MACROD2: variants seen among roughly 807,000 people sequenced by gnomAD.
The protein encoded by MACROD2 is mono-ADP ribosylhydrolase 2.
MACROD2 carries 36 observed loss-of-function variants against 70.4 expected under a neutral mutation model. The ratio of observed to expected loss-of-function variants is 0.51; its 90% confidence interval spans 0.39 to 0.68. The LOEUF is 0.68. MACROD2 is among the 30% of genes least tolerant of loss of function. MACROD2 has a pLI of 0.00. For missense variants in MACROD2, 496 were observed against 538.4 expected, an observed-to-expected ratio of 0.92 and a Z score of 0.78; for synonymous variants, 172 against 178.8, an observed-to-expected ratio of 0.96 and a Z score of 0.30.
chr20:15,512,318 C>A (rs1398883614), intron 8 of MACROD2, among the ~76,000 whole-genome samples: 3 of 152,190 alleles, frequency 2.0e-5, no homozygotes, highest in African/African-American at 7.2e-5. Context: ...ACAGTAGAGG[C>A]CTTTTGCCAT....
chr20:15,653,787 G>A (rs886884878), intron 8 of MACROD2, among the ~76,000 whole-genome samples: 32 of 152,116 alleles, frequency 2.1e-4, no homozygotes, highest in African/African-American at 7.5e-4. Flanking sequence ...CTCTTTCTGG[G>A]ACTGACTATA....
At chr20:14,371,484 C>T (rs1194689263) in intron 3 of MACROD2, among the ~76,000 whole-genome samples, 2 of 151,990 alleles carry the variant, frequency 1.3e-5, no homozygotes, top group Non-Finnish European at 2.9e-5. Flanking sequence ...AGTGAGACTC[C>T]ATCTCTAACA....
chr20:14,565,469 T>A (rs1180981966), intron 4 of MACROD2, among the ~76,000 whole-genome samples: 2 of 141,306 alleles, frequency 1.4e-5, no homozygotes, highest in Non-Finnish European at 3.1e-5. Flanking sequence ...CCTTTTGTCA[T>A]TTCAAGAATG....
Position 15,368,753 on chromosome 20 carries a change from A to G in MACROD2, c.541-62652A>G, listed in dbSNP as rs369433156. On this transcript the variant is annotated intron_variant, in intron 6 of 17. Transcript: ENST00000684519. The stretch of plus-strand genomic sequence containing the variant: ...GCTGGGATTACAGGCGTGAGCCACC[A>G]CGCCCGGCCCAATCACAAACTTTTT... 1.6e-4 allele frequency among the ~76,000 whole-genome samples: 24 copies of G among 151,982 alleles called. No individual in the cohort carries two copies. The South Asian group carries it at 5.0e-3, about 32-fold the overall frequency.
At chr20:15,923,223 T>A (rs1184407496) in intron 10 of MACROD2, among the ~76,000 whole-genome samples, 2 of 152,158 alleles carry the variant, frequency 1.3e-5, no homozygotes, top group Non-Finnish European at 2.9e-5. Context: ...AAGGTTTAAT[T>A]TGACTTACAG....
In MACROD2 at chr20:14,852,163, C is replaced by T. The variant is rs74724949; in HGVS notation, c.418+167204C>T. On this transcript the variant is annotated intron_variant, in intron 5 of 17. Coordinates refer to ENST00000684519, the MANE Select transcript of MACROD2 (RefSeq NM_001351661.2). ...AGGCGGGAGGAGGAAGCGCAGGAGC[C>T]AGCTAAGGAGACAGGGAAAGAGCAG... Among the ~76,000 whole-genome samples the T allele has an allele frequency of 2.2e-3, 329 of 152,146 alleles. 9 individuals carry two copies. In the East Asian group the frequency reaches 0.051, roughly 24 times the overall value.
chr20:14,846,878 T>C (rs1052008934), intron 5 of MACROD2, among the ~76,000 whole-genome samples: 1 of 152,184 alleles, frequency 6.6e-6, no homozygotes, highest in Admixed American at 6.5e-5. Context: ...TATAAAAATG[T>C]TCATTACCAT....
intron 4 of MACROD2, among the ~76,000 whole-genome samples, chr20:14,611,444 G>T (rs1490700594): frequency 6.9e-6 from 1 of 145,216 alleles, no homozygotes; most frequent in African/African-American, 2.6e-5. Flanking sequence ...GATCAGCAAT[G>T]CCCTGAGGTT....
intron 3 of MACROD2, among the ~76,000 whole-genome samples, chr20:14,091,740 A>C (rs2054152761): frequency 6.6e-6 from 1 of 152,186 alleles, no homozygotes; most frequent in African/African-American, 2.4e-5. Context: ...TTAATGAATT[A>C]ATGAATTTAT....
chr20:15,030,664 G>A (rs1457427204), intron 5 of MACROD2, among the ~76,000 whole-genome samples: 1 of 148,084 alleles, frequency 6.8e-6, no homozygotes, highest in Non-Finnish European at 1.5e-5. Context: ...TAGATAGATA[G>A]ACAGATAGAT....
At chr20:15,191,548 T>G (rs542559992) in intron 5 of MACROD2, among the ~76,000 whole-genome samples, 12 of 152,300 alleles carry the variant, frequency 7.9e-5, no homozygotes, top group Non-Finnish European at 1.6e-4. Context: ...AAGCCTGCTC[T>G]TTGAGATGTA....
intron 4 of MACROD2, among the ~76,000 whole-genome samples, chr20:14,506,040 G>T (rs1347014294): frequency 1.3e-5 from 2 of 152,196 alleles, no homozygotes; most frequent in Non-Finnish European, 2.9e-5. Context: ...GCAAGGGTTG[G>T]GAGTGTTGGG....
intron 3 of MACROD2, among the ~76,000 whole-genome samples, chr20:14,420,207 A>C (rs1463197740): frequency 1.3e-5 from 2 of 151,550 alleles, no homozygotes; most frequent in African/African-American, 4.8e-5. Context: ...TAGAACTACC[A>C]TAAGACCTAG....
intron 3 of MACROD2, among the ~76,000 whole-genome samples, chr20:14,419,559 C>G (rs1288165397): frequency 6.6e-6 from 1 of 152,118 alleles, no homozygotes; most frequent in African/African-American, 2.4e-5. Context: ...AACCATTCCC[C>G]TCCTCCCGCT....
chr20:15,612,999 A>C (rs966119835), intron 8 of MACROD2, among the ~76,000 whole-genome samples: 4 of 152,242 alleles, frequency 2.6e-5, no homozygotes, highest in African/African-American at 9.6e-5. Context: ...TCATTTAATA[A>C]GTGGATGAAG....
chr20:14,710,143 C>G (rs2071320504), intron 5 of MACROD2, among the ~76,000 whole-genome samples: 1 of 152,080 alleles, frequency 6.6e-6, no homozygotes, highest in Admixed American at 6.6e-5. Context: ...GGTAAACTAC[C>G]TTGAATACCC....
At chr20:15,280,473 T>C (rs1461372488) in intron 6 of MACROD2, among the ~76,000 whole-genome samples, 1 of 152,188 alleles carries the variant, frequency 6.6e-6, no homozygotes, top group Non-Finnish European at 1.5e-5. Context: ...ACCACAAATC[T>C]TTTTGCAAAA....
chr20:14,145,261 TTTTC>T (rs2054929998), intron 3 of MACROD2, among the ~76,000 whole-genome samples: 2 of 152,182 alleles, frequency 1.3e-5, no homozygotes, highest in South Asian at 4.1e-4. Flanking sequence ...ATTTTTGCCT[TTTTC>T]TACATGTTCT....
At chr20:14,507,491 C>T (rs777671024) in intron 4 of MACROD2, among the ~76,000 whole-genome samples, 6 of 152,022 alleles carry the variant, frequency 3.9e-5, no homozygotes, top group Non-Finnish European at 8.8e-5. Context: ...ATGTTACTGA[C>T]CTGTACTATT....
Sources: gnomAD v4.1 joint callset for allele counts (sites outside exome capture counted in the v4.1 genomes callset) on GRCh38, gnomAD v4.1.1 for gene constraint, MANE v1.5 for transcripts, NCBI Gene and HGNC (gene_info 2026-07-23, HGNC 2026-07-21) for gene names.